The following PIP4P2 variants were observed in gnomAD, a reference collection of about 807,000 sequenced individuals.
The protein encoded by PIP4P2 is type 2 phosphatidylinositol 4,5-bisphosphate 4-phosphatase.
In PIP4P2, 19 loss-of-function variants were observed where a neutral mutation model predicts 33.3. That is an observed-to-expected ratio of 0.57 (90% CI 0.40 to 0.84). The LOEUF is 0.84. Ranked by LOEUF, PIP4P2 falls within the 40% of genes least tolerant of loss-of-function variation. PIP4P2 has a pLI of 0.00. For synonymous variants in PIP4P2, 110 were observed against 111.9 expected (o/e 0.98, Z 0.11); for missense variants, 270 against 324.7 (o/e 0.83, Z 1.29).
chr8:91,040,835 C>G lies in PIP4P2; in HGVS notation c.-86G>C. On this transcript the variant is annotated 5_prime_UTR_variant, in exon 1 of 7. Transcript: ENST00000285419. The stretch of plus-strand genomic sequence containing the variant: ...TGGCTACTGCTGCTGCCTCTGCTGC[C>G]GCTGCTGCCGCTGCAGCTGCTGCTG... 1 of 1,167,310 alleles carries G rather than the reference C, an allele frequency of 8.6e-7. No individual in the cohort carries two copies. Among genetic ancestry groups the G allele is most frequent in the Non-Finnish European group, 1.2e-6 (1 of 825,130 alleles). The allele number at this position is 1,167,310 out of a possible 1,614,324, so 72.3% of individuals were successfully genotyped here. A position where few individuals can be genotyped will look rare whatever the true frequency, so the allele number is the denominator to read the frequency against.
At chr8:91,018,686 G>C (rs1811955469) in intron 3 of PIP4P2, 173 bp from the exon 4 acceptor site, 1 of 843,810 alleles carries the variant, frequency 1.2e-6, no homozygotes, top group African/African-American at 1.7e-5. Flanking sequence ...TTTTTCAAAA[G>C]CAAAATATGA....
At chr8:91,009,127 C>T (rs1277058862) in intron 4 of PIP4P2, among the ~76,000 whole-genome samples, 1 of 152,056 alleles carries the variant, frequency 6.6e-6, no homozygotes, top group Non-Finnish European at 1.5e-5. Flanking sequence ...TTTCATATAC[C>T]ATCAAAGTTA....
chr8:90,997,268 T>C (rs1380022241), intron 5 of PIP4P2, among the ~76,000 whole-genome samples: 1 of 152,050 alleles, frequency 6.6e-6, no homozygotes, highest in Non-Finnish European at 1.5e-5. Context: ...CTTACCAATA[T>C]ATAGCATGAA....
intron 1 of PIP4P2, chr8:91,024,385 G>T (rs373591330): frequency 3.0e-5 from 12 of 399,586 alleles, no homozygotes; most frequent in Middle Eastern, 4.7e-4. Context: ...ATTAGAATAA[G>T]ATTATTAATT....
At chr8:90,998,647 A>C (rs1193167534) in intron 5 of PIP4P2, among the ~76,000 whole-genome samples, 1 of 152,080 alleles carries the variant, frequency 6.6e-6, no homozygotes, top group African/African-American at 2.4e-5. Context: ...AAACCTGACA[A>C]AAACAAGCAA....
chr8:90,998,131 T>C (rs1416614338), intron 5 of PIP4P2, among the ~76,000 whole-genome samples: 1 of 152,106 alleles, frequency 6.6e-6, no homozygotes, highest in Non-Finnish European at 1.5e-5. Context: ...TCTTGCCTTA[T>C]ACATCACATC....
In PIP4P2 at chr8:90,995,688, T is replaced by G. The variant is rs376820997; in HGVS notation, c.763A>C (p.Ser255Arg). 3 of 1,611,410 alleles carry G rather than the reference T, an allele frequency of 1.9e-6. No individual in the cohort carries two copies. Among genetic ancestry groups the G allele is most frequent in the Non-Finnish European group, 8.5e-7 (1 of 1,179,016 alleles). ...AATCATAAACAAGCTTATGCAAAAC[T>G]GTGTTCTGGATAACTGACTCTTATG... ...GAIRVSYPEH[S>R]FA is the part of the protein sequence containing the mutation. The change falls in exon 7 of 7, where the codon AGT becomes CGT. Residue 255 changes from serine (S) to arginine (R), a missense_variant. Physicochemically the swap from Ser to Arg is moderately radical, Grantham distance 110. Coordinates refer to ENST00000285419, the MANE Select transcript of PIP4P2 (RefSeq NM_018710.3).
At chr8:91,003,158 T>A (rs1811722007) in intron 5 of PIP4P2, among the ~76,000 whole-genome samples, 1 of 152,186 alleles carries the variant, frequency 6.6e-6, no homozygotes, top group Admixed American at 6.6e-5. Flanking sequence ...CACAACTGTA[T>A]GCCATGGCTA....
At chr8:91,030,862 G>A (rs1586186215) in intron 1 of PIP4P2, among the ~76,000 whole-genome samples, 1 of 151,918 alleles carries the variant, frequency 6.6e-6, no homozygotes, top group Non-Finnish European at 1.5e-5. Context: ...TTCTTTTCCA[G>A]CATCATGTTG....
intron 5 of PIP4P2, among the ~76,000 whole-genome samples, chr8:91,003,477 T>C (rs1344012852): frequency 6.6e-6 from 1 of 152,170 alleles, no homozygotes; most frequent in East Asian, 1.9e-4. Context: ...CAGGATAACA[T>C]TCATTAAAAT....
chr8:91,034,800 A>T (rs974645885), intron 1 of PIP4P2, among the ~76,000 whole-genome samples: 1 of 152,234 alleles, frequency 6.6e-6, no homozygotes, highest in Admixed American at 6.5e-5. Flanking sequence ...CTTCCTGCCA[A>T]TCCACAGACA....
At chr8:91,025,443 G>C (rs1812070311) in intron 1 of PIP4P2, among the ~76,000 whole-genome samples, 1 of 152,004 alleles carries the variant, frequency 6.6e-6, no homozygotes, top group Non-Finnish European at 1.5e-5. Context: ...ATTCATCCTG[G>C]TGTATTAATC....
At chr8:91,002,126 C>CCAAT (rs1386534241) in intron 5 of PIP4P2, among the ~76,000 whole-genome samples, 1 of 152,064 alleles carries the variant, frequency 6.6e-6, no homozygotes, top group Non-Finnish European at 1.5e-5. Flanking sequence ...TTGTGTGAGG[C>CCAAT]CAATGCCTTC....
chr8:91,011,329 T>C (rs2130360335), intron 4 of PIP4P2, among the ~76,000 whole-genome samples: 1 of 152,168 alleles, frequency 6.6e-6, no homozygotes, highest in Non-Finnish European at 1.5e-5. Flanking sequence ...CCATGGGCCC[T>C]ACAGAAATGT....
chr8:91,038,850 T>C (rs997686005), intron 1 of PIP4P2, among the ~76,000 whole-genome samples: 3 of 152,204 alleles, frequency 2.0e-5, no homozygotes, highest in Non-Finnish European at 2.9e-5. Flanking sequence ...TATTCTACCA[T>C]AAGGCAGAAG....
At chr8:90,996,478 C>G (rs1373460628) in intron 6 of PIP4P2, among the ~76,000 whole-genome samples, 176 bp downstream of exon 6, 1 of 151,870 alleles carries the variant, frequency 6.6e-6, no homozygotes, top group Non-Finnish European at 1.5e-5. Context: ...CGAGTTCAAT[C>G]AAAAAGAGGT....
Position 91,030,222 on chromosome 8 carries a change from A to C in PIP4P2, c.107-8818T>G, listed in dbSNP as rs983311508. Among the ~76,000 whole-genome samples, 88 of 152,110 alleles carry C rather than the reference A, an allele frequency of 5.8e-4. 1 individual carries two copies. The highest frequency in any genetic ancestry group is 2.0e-3 in the African/African-American group (84 of 41,540). On this transcript the variant is annotated intron_variant, in intron 1 of 6. Transcript: ENST00000285419. ...GAGCAAGACTCCATCTCAAAAAAAA[A>C]AAAAAAAAAGTAGATCTCATTTGGA... is the stretch of plus-strand genomic sequence containing the variant.
At chr8:90,997,963 A>G (rs1357234474) in intron 5 of PIP4P2, among the ~76,000 whole-genome samples, 3 of 152,120 alleles carry the variant, frequency 2.0e-5, no homozygotes, top group Non-Finnish European at 4.4e-5. Context: ...CTTGAGCCCA[A>G]ACACAAACAT....
chr8:91,024,196 C>A, intron 1 of PIP4P2: 1 of 250,762 alleles, frequency 4.0e-6, no homozygotes, highest in Non-Finnish European at 8.3e-6. Context: ...CCTGGCCTTT[C>A]ATTTCAATGT....
Sources: allele counts gnomAD v4.1 joint callset (sites outside exome capture counted in the v4.1 genomes callset), GRCh38; gene constraint gnomAD v4.1.1; transcripts MANE v1.5; gene names NCBI Gene and HGNC (gene_info 2026-07-23, HGNC 2026-07-21).